RBFOX1: variants seen among roughly 807,000 people sequenced by gnomAD.
RBFOX1 encodes RNA binding protein fox-1 homolog 1.
Under a neutral mutation model 57.7 loss-of-function variants are expected in RBFOX1, and 8 were observed. The ratio of observed to expected loss-of-function variants is 0.14; its 90% CI spans 0.08 to 0.25. RBFOX1 has a LOEUF of 0.25. RBFOX1 is among the 10% of genes least tolerant of loss of function. The pLI is 1.00. For synonymous variants in RBFOX1, 326 were observed against 222.4 expected, an observed-to-expected ratio of 1.47 and a Z score of -4.15; for missense variants, 611 against 548.5, an observed-to-expected ratio of 1.11 and a Z score of -1.14.
intron 3 of RBFOX1, among the ~76,000 whole-genome samples, chr16:6,825,092 G>A (rs944389931): frequency 7.2e-6 from 1 of 138,330 alleles, no homozygotes; most frequent in Non-Finnish European, 1.5e-5. Flanking sequence ...TGTCACCCTG[G>A]TTCAAACAAT....
intron 3 of RBFOX1, among the ~76,000 whole-genome samples, chr16:6,867,440 C>A (rs999825774): frequency 6.6e-6 from 1 of 151,346 alleles, no homozygotes; most frequent in Admixed American, 6.6e-5. Context: ...GAAAGGGGGC[C>A]GGGTGTGGGG....
At chr16:7,156,998 C>G (rs186770437) in intron 4 of RBFOX1, among the ~76,000 whole-genome samples, 3 of 152,292 alleles carry the variant, frequency 2.0e-5, no homozygotes, top group African/African-American at 7.2e-5. Context: ...AACATACATC[C>G]TCTGCTGTCA....
At chr16:6,303,226 A>G (rs79598396) in intron 1 of RBFOX1, among the ~76,000 whole-genome samples, 10 of 152,292 alleles carry the variant, frequency 6.6e-5, no homozygotes, top group African/African-American at 2.2e-4. Context: ...TCCACATTTC[A>G]TAGCTTAGTT....
At chr16:7,005,930 C>T (rs1050612030) in intron 3 of RBFOX1, among the ~76,000 whole-genome samples, 4 of 152,080 alleles carry the variant, frequency 2.6e-5, no homozygotes, top group Admixed American at 6.6e-5. Flanking sequence ...TGACAGCATC[C>T]AATCCAGAGA....
intron 2 of RBFOX1, among the ~76,000 whole-genome samples, chr16:6,641,447 C>T (rs1203936488): frequency 1.3e-5 from 2 of 152,026 alleles, no homozygotes; most frequent in East Asian, 3.9e-4. Flanking sequence ...AGAATTTTTG[C>T]CCTGACGCCG....
intron 2 of RBFOX1, among the ~76,000 whole-genome samples, chr16:5,527,465 G>A (rs1466874358): frequency 6.6e-6 from 1 of 152,214 alleles, no homozygotes; most frequent in Non-Finnish European, 1.5e-5. Flanking sequence ...GAAGCAAGAT[G>A]AAAAGAGCTT....
At chr16:5,879,040 C>T (rs894085265) in intron 4 of RBFOX1, among the ~76,000 whole-genome samples, 1 of 152,218 alleles carries the variant, frequency 6.6e-6, no homozygotes, top group African/African-American at 2.4e-5. Flanking sequence ...GGCAAGAATT[C>T]TGGTCCTGTA....
intron 3 of RBFOX1, among the ~76,000 whole-genome samples, chr16:5,725,397 C>G (rs1291231316): frequency 6.6e-6 from 1 of 152,070 alleles, no homozygotes; most frequent in Non-Finnish European, 1.5e-5. Context: ...GCATGCACCA[C>G]TGCCCCCAGC....
intron 4 of RBFOX1, among the ~76,000 whole-genome samples, chr16:7,440,360 C>T (rs1037868662): frequency 6.6e-6 from 1 of 151,988 alleles, no homozygotes; most frequent in Non-Finnish European, 1.5e-5. Context: ...GGTAAGCTTT[C>T]GAGGAGGGGG....
At chr16:7,171,387 A>G (rs556401197) in intron 4 of RBFOX1, among the ~76,000 whole-genome samples, 68 of 152,308 alleles carry the variant, frequency 4.5e-4, no homozygotes, top group African/African-American at 1.6e-3. Flanking sequence ...TTCTTGATGA[A>G]TTCCTGCCAC....
intron 4 of RBFOX1, among the ~76,000 whole-genome samples, chr16:7,402,193 A>G (rs1026532708): frequency 6.6e-6 from 1 of 152,166 alleles, no homozygotes; most frequent in African/African-American, 2.4e-5. Flanking sequence ...ACTCTTTGAA[A>G]ATACATTTAA....
intron 1 of RBFOX1, among the ~76,000 whole-genome samples, chr16:6,245,607 T>G (rs1444931446): frequency 6.6e-6 from 1 of 152,162 alleles, no homozygotes; most frequent in African/African-American, 2.4e-5. Context: ...ATAATACAAA[T>G]AACCTTCTGT....
intron 2 of RBFOX1, among the ~76,000 whole-genome samples, chr16:6,332,438 C>A (rs1024286883): frequency 6.6e-6 from 1 of 152,060 alleles, no homozygotes; most frequent in African/African-American, 2.4e-5. Flanking sequence ...GGTTGGATAG[C>A]AATTGTAAGC....
chr16:6,293,892 GA>G (rs775824771), intron 1 of RBFOX1, among the ~76,000 whole-genome samples: 18,746 of 49,460 alleles, frequency 0.38, 1,554 homozygotes, highest in Non-Finnish European at 0.5. Flanking sequence ...ATTCCAGGGT[GA>G]GCGGGGGGGT....
intron 3 of RBFOX1, among the ~76,000 whole-genome samples, chr16:6,771,207 T>C (rs1489794872): frequency 6.6e-6 from 1 of 152,184 alleles, no homozygotes; most frequent in Non-Finnish European, 1.5e-5. Context: ...AAACCAACAC[T>C]GCAAACACCT....
intron 4 of RBFOX1, among the ~76,000 whole-genome samples, chr16:7,515,414 C>T (rs1452251089): frequency 6.6e-6 from 1 of 151,870 alleles, no homozygotes; most frequent in Non-Finnish European, 1.5e-5. Flanking sequence ...GTTAAAAATA[C>T]TGTATTATAT....
At chr16:6,475,922 C>T (rs2095265119) in intron 2 of RBFOX1, among the ~76,000 whole-genome samples, 2 of 152,274 alleles carry the variant, frequency 1.3e-5, no homozygotes, top group Admixed American at 1.3e-4. Context: ...ATCTTTAGTG[C>T]ATTGAGGCTT....
intron 3 of RBFOX1, among the ~76,000 whole-genome samples, chr16:6,689,265 G>T (rs2059881027): frequency 6.6e-6 from 1 of 151,996 alleles, no homozygotes; most frequent in Admixed American, 6.6e-5. Flanking sequence ...AGGTTGAATT[G>T]TTTCTTGTTT....
intron 5 of RBFOX1, among the ~76,000 whole-genome samples, chr16:7,574,195 G>A (rs1396858050): frequency 8.5e-5 from 13 of 152,180 alleles, no homozygotes; most frequent in African/African-American, 1.2e-4. Context: ...CCAGCCAGGC[G>A]TCATTGCATC....
Sources: allele counts gnomAD v4.1 joint callset (sites outside exome capture counted in the v4.1 genomes callset), GRCh38; gene constraint gnomAD v4.1.1; transcripts MANE v1.5; gene names NCBI Gene and HGNC (gene_info 2026-07-23, HGNC 2026-07-21).